SLC17A3: variants seen among roughly 807,000 people sequenced by gnomAD.
The protein encoded by SLC17A3 is sodium-dependent phosphate transport protein 4.
A neutral mutation model predicts 60.3 loss-of-function variants in SLC17A3; 61 were observed. That is an observed-to-expected ratio of 1.01 (90% CI 0.82 to 1.25). SLC17A3 has a LOEUF of 1.25. Among genes scored for constraint, SLC17A3 ranks in the 50% most tolerant of loss-of-function variants. The probability of loss-of-function intolerance (pLI) is 0.00; values close to 1 mark genes in which losing one functional copy is unlikely to be tolerated. For missense variants in SLC17A3, 624 were observed against 594.9 expected (o/e 1.05, Z -0.51); for synonymous variants, 192 against 208.9 (o/e 0.92, Z 0.70).
chr6:25,851,779 C>A (rs1765281845), intron 6 of SLC17A3, among the ~76,000 whole-genome samples: 1 of 152,114 alleles, frequency 6.6e-6, no homozygotes, highest in Non-Finnish European at 1.5e-5. Flanking sequence ...CAATACCACT[C>A]TGTCTTAAAG....
chr6:25,849,603 G>A, intron 10 of SLC17A3, 139 bp from the exon 11 acceptor site: 1 of 742,224 alleles, frequency 1.3e-6, no homozygotes, highest in Non-Finnish European at 2.3e-6. Flanking sequence ...TATCAAAAAG[G>A]ACTTGCACTA....
At chr6:25,850,680 C>A in intron 7 of SLC17A3, 60 bp from the exon 8 acceptor site, 1 of 1,609,968 alleles carries the variant, frequency 6.2e-7, no homozygotes. Flanking sequence ...CACTTAGTCA[C>A]CCTTAAAAAT....
chr6:25,850,990 T>C, intron 6 of SLC17A3, 113 bp from the exon 7 acceptor site: 1 of 797,866 alleles, frequency 1.3e-6, no homozygotes, highest in Non-Finnish European at 2.2e-6. Flanking sequence ...ATGTTCATTA[T>C]ATCCCTTTTC....
At chr6:25,870,998 G>A (rs913471921) in intron 1 of SLC17A3, among the ~76,000 whole-genome samples, 1 of 151,990 alleles carries the variant, frequency 6.6e-6, no homozygotes, top group Non-Finnish European at 1.5e-5. Flanking sequence ...AGCCAAGAAT[G>A]GTGGCTTAAG....
chr6:25,862,303 T>A lies in SLC17A3; in HGVS notation c.233A>T (p.Asp78Val). 1 of 1,613,824 alleles carries A rather than the reference T, an allele frequency of 6.2e-7. No homozygotes were observed. Among genetic ancestry groups the A allele is most frequent in the Non-Finnish European group, 8.5e-7 (1 of 1,179,820 alleles). ...GTCAACAGGCAGCACCTCAGAGGAA[T>A]CATTGAGCTGGGATTGAGGGCTTGT... ...NSTSPQSQLN[D>V]SSEVLPVDSF... The change falls in exon 3 of 13, where the codon GAT becomes GTT. Residue 78 changes from aspartate (D) to valine (V), a missense_variant. Asp to Val is a radical substitution (Grantham distance 152). Transcript: ENST00000397060.
intron 2 of SLC17A3, among the ~76,000 whole-genome samples, chr6:25,865,799 T>A (rs566600799): frequency 6.6e-6 from 1 of 152,098 alleles, no homozygotes; most frequent in East Asian, 1.9e-4. Context: ...TCTGTTAAAT[T>A]TTTTTGTGAT....
chr6:25,855,181 A>G lies in SLC17A3; in HGVS notation c.675T>C (p.Ser225=). 1 of 1,613,776 alleles carries G rather than the reference A, an allele frequency of 6.2e-7. No individual in the cohort carries two copies. The highest frequency in any genetic ancestry group is 8.5e-7 in the Non-Finnish European group (1 of 1,179,762). Residue 225 remains serine, a synonymous_variant, in exon 6 of 13, where the codon AGT becomes AGC. Transcript: ENST00000397060. ...FTAILIGGFI[S]ETLGWPFVFY... is the part of the protein sequence containing the mutation. ...AGACAAAGGGCCACCCAAGGGTTTCACTAATGAAGCCACCTATGAGGATGG... is the reference window on the plus strand; with the variant it reads ...AGACAAAGGGCCACCCAAGGGTTTCGCTAATGAAGCCACCTATGAGGATGG...
rs1765148131 is a variant in SLC17A3, at chr6:25,845,003, C to T, written c.*298G>A. On this transcript the variant is annotated 3_prime_UTR_variant, in exon 13 of 13. Transcript: ENST00000397060. ...TCACCCCGGATTAAAGGTTTTAAAACATTGTTTCTTGTATCCAGTAATGGA... is the reference window on the plus strand; with the variant it reads ...TCACCCCGGATTAAAGGTTTTAAAATATTGTTTCTTGTATCCAGTAATGGA... 1 of 205,350 alleles carries T rather than the reference C, an allele frequency of 4.9e-6. No homozygotes were observed. The highest frequency in any genetic ancestry group is 5.3e-5 in the Admixed American group (1 of 18,846). The allele number at this position is 205,350 out of a possible 1,614,324, so 12.7% of individuals were successfully genotyped here.
chr6:25,866,683 T>C (rs1473314442), intron 2 of SLC17A3, among the ~76,000 whole-genome samples: 1 of 151,932 alleles, frequency 6.6e-6, no homozygotes. Context: ...AAATTTATCA[T>C]GAGACTAAAA....
intron 10 of SLC17A3, 103 bp downstream of exon 10, chr6:25,849,702 T>C: frequency 2.2e-6 from 3 of 1,350,092 alleles, no homozygotes; most frequent in Non-Finnish European, 3.2e-6. Flanking sequence ...CTGTGGTTCT[T>C]CCCCTATGGT....
rs768740492 is a variant in SLC17A3, at chr6:25,861,806, C to T, written c.527G>A (p.Gly176Asp). ...TAAAATATTGGGTACCTGGCTTAGG[C>T]CCTGGACTATTCGAGTTACAATGAG... ...VLLIVTRIVQ[G>D]LSQSSILGGQ... Residue 176 changes from glycine to aspartate, a missense_variant, in exon 4 of 13, where the codon GGC (glycine) becomes GAC (aspartate). Coordinates refer to ENST00000397060, the MANE Select transcript of SLC17A3 (RefSeq NM_001098486.2). The T allele has an allele frequency of 1.6e-5, 26 of 1,613,282 alleles. No individual in the cohort carries two copies. The East Asian group carries it at 5.8e-4, about 36-fold the overall frequency.
At chr6:25,867,603 C>A (rs961927083) in intron 2 of SLC17A3, among the ~76,000 whole-genome samples, 1 of 151,790 alleles carries the variant, frequency 6.6e-6, no homozygotes, top group Non-Finnish European at 1.5e-5. Context: ...ATATATAGTT[C>A]ATATATAGAT....
At chr6:25,847,407 C>T (rs1274536914) in intron 11 of SLC17A3, among the ~76,000 whole-genome samples, 1 of 152,126 alleles carries the variant, frequency 6.6e-6, no homozygotes, top group East Asian at 1.9e-4. Flanking sequence ...GAATAATTTA[C>T]ATTCTTTTGG....
At chr6:25,854,599 A>G (rs570243797) in intron 6 of SLC17A3, among the ~76,000 whole-genome samples, 1 of 152,350 alleles carries the variant, frequency 6.6e-6, no homozygotes, top group East Asian at 1.9e-4. Flanking sequence ...TAGAATGTAA[A>G]AGCTACTAAA....
At chr6:25,867,527 ATTC>A (rs1479809356) in intron 2 of SLC17A3, among the ~76,000 whole-genome samples, 1 of 152,000 alleles carries the variant, frequency 6.6e-6, no homozygotes, top group African/African-American at 2.4e-5. Flanking sequence ...GTTAAATAAT[ATTC>A]ATTTATCATC....
intron 1 of SLC17A3, among the ~76,000 whole-genome samples, chr6:25,872,689 C>G: frequency 6.6e-6 from 1 of 151,388 alleles, no homozygotes; most frequent in Non-Finnish European, 1.5e-5. Context: ...GATGTGACCT[C>G]TTCTGCAAAG....
In SLC17A3 at chr6:25,850,478, TACACAGA is replaced by T. The variant is rs1249919340; in HGVS notation, c.967_973del (p.Ser323ThrfsTer22). ...ACTCACGTCTCTGATGTTAACATGGTACACAGAGCTGATGTAAGTTGGTATGTATACA... is the reference window on the plus strand; with the variant it reads ...ACTCACGTCTCTGATGTTAACATGGTGCTGATGTAAGTTGGTATGTATACA... On this transcript the variant is annotated frameshift_variant, in exon 8 of 13. Coordinates refer to ENST00000397060, the MANE Select transcript of SLC17A3 (RefSeq NM_001098486.2). LOFTEE classifies it high-confidence loss of function. The T allele has an allele frequency of 6.2e-7, 1 of 1,613,858 alleles. No individual in the cohort carries two copies.
At chr6:25,861,363 G>T (rs1581527897) in intron 5 of SLC17A3, among the ~76,000 whole-genome samples, 1 of 152,004 alleles carries the variant, frequency 6.6e-6, no homozygotes, top group East Asian at 1.9e-4. Flanking sequence ...AAATCCAGAT[G>T]CCATGAAAAT....
chr6:25,849,550 C>G, intron 10 of SLC17A3, 86 bp from the exon 11 acceptor site: 1 of 838,286 alleles, frequency 1.2e-6, no homozygotes, highest in East Asian at 2.6e-5. Flanking sequence ...ATCTATAACT[C>G]AATTATATTT....
Sources: gnomAD v4.1 joint callset for allele counts (sites outside exome capture counted in the v4.1 genomes callset) on GRCh38, gnomAD v4.1.1 for gene constraint, MANE v1.5 for transcripts, NCBI Gene and HGNC (gene_info 2026-07-23, HGNC 2026-07-21) for gene names.